DLG1: variants seen among roughly 807,000 people sequenced by gnomAD.
The protein encoded by DLG1 is discs large MAGUK scaffold protein 1, also known as disks large homolog 1.
Under a neutral mutation model 123.4 loss-of-function variants are expected in DLG1, and 42 were observed. The observed-to-expected ratio is 0.34, with a 90% CI of 0.27 to 0.44. The LOEUF (loss-of-function observed/expected upper bound fraction) is 0.44. Ranked by LOEUF, DLG1 falls within the 20% of genes least tolerant of loss-of-function variation. The pLI is 1.00. For missense variants in DLG1, 942 were observed against 1,082.6 expected, an observed-to-expected ratio of 0.87 and a Z score of 1.82; for synonymous variants, 317 against 356.2, an observed-to-expected ratio of 0.89 and a Z score of 1.24.
intron 5 of DLG1, among the ~76,000 whole-genome samples, chr3:197,164,182 G>GA: frequency 6.6e-6 from 1 of 151,674 alleles, no homozygotes; most frequent in South Asian, 2.1e-4. Context: ...GCGAGGTCAA[G>GA]AGTTCAAGAC....
intron 10 of DLG1, among the ~76,000 whole-genome samples, chr3:197,133,043 A>C (rs113613643): frequency 3.9e-5 from 6 of 152,176 alleles, no homozygotes; most frequent in African/African-American, 1.4e-4. Context: ...ATACATATTA[A>C]ATAGCTGTGG....
intron 10 of DLG1, among the ~76,000 whole-genome samples, chr3:197,135,118 TC>T (rs374613795): frequency 1.4e-3 from 212 of 152,342 alleles, no homozygotes; most frequent in African/African-American, 4.9e-3. Flanking sequence ...GCTTCACTCC[TC>T]ATTTTTACTC....
chr3:197,219,234 T>C (rs1398015164), intron 4 of DLG1, among the ~76,000 whole-genome samples: 1 of 152,224 alleles, frequency 6.6e-6, no homozygotes, highest in Non-Finnish European at 1.5e-5. Flanking sequence ...AAGATGTTTC[T>C]TCTTTGGTAG....
At chr3:197,266,388 A>G (rs1409180387) in intron 4 of DLG1, among the ~76,000 whole-genome samples, 1 of 152,074 alleles carries the variant, frequency 6.6e-6, no homozygotes. Context: ...TTAGACAAAA[A>G]TAAAAACGAA....
At chr3:197,108,794 A>G (rs1768106266) in intron 13 of DLG1, among the ~76,000 whole-genome samples, 1 of 151,894 alleles carries the variant, frequency 6.6e-6, no homozygotes, top group African/African-American at 2.4e-5. Context: ...GTGTAGTTGG[A>G]TTCTGTTTTC....
chr3:197,138,128 A>G (rs1786041388), intron 9 of DLG1, 94 bp downstream of exon 9: 1 of 671,480 alleles, frequency 1.5e-6, no homozygotes, highest in Non-Finnish European at 2.2e-6. Flanking sequence ...TATTACTAAT[A>G]CTGTACTTGG....
At chr3:197,184,220 C>T (rs1385573769) in intron 5 of DLG1, 18 of 638,280 alleles carry the variant, frequency 2.8e-5, no homozygotes, top group Non-Finnish European at 3.1e-5. Context: ...CCCTGTGGGG[C>T]TGCCTGATTT....
At chr3:197,283,998 C>T (rs573810081) in intron 3 of DLG1, among the ~76,000 whole-genome samples, 1 of 151,554 alleles carries the variant, frequency 6.6e-6, no homozygotes, top group Non-Finnish European at 1.5e-5. Context: ...GTAGCTGGGA[C>T]TTCAGGCACG....
At chr3:197,171,856 T>C (rs1246064064) in intron 5 of DLG1, among the ~76,000 whole-genome samples, 1 of 152,152 alleles carries the variant, frequency 6.6e-6, no homozygotes, top group Non-Finnish European at 1.5e-5. Flanking sequence ...TATCAGAATG[T>C]GGCTAGAGAA....
At chr3:197,250,571 A>C (rs1010985255) in intron 4 of DLG1, among the ~76,000 whole-genome samples, 2 of 151,414 alleles carry the variant, frequency 1.3e-5, no homozygotes, top group Admixed American at 1.3e-4. Flanking sequence ...TCCGTCTCAA[A>C]AAAAAAAAAA....
At chr3:197,065,683 A>T (rs201716356) in intron 21 of DLG1, 25 bp downstream of exon 21, 1 of 1,474,114 alleles carries the variant, frequency 6.8e-7, no homozygotes, top group African/African-American at 1.4e-5. Flanking sequence ...AGTAACAATT[A>T]AATGTTTTTG....
rs1721330233 is a variant in DLG1, at chr3:197,043,652, ATATATATATT to A, written c.*961_*970del. On this transcript the variant is annotated 3_prime_UTR_variant, in exon 25 of 25. Transcript: ENST00000667157. ...ATAGTTACAGTTTAAAGAAAGTTTT[ATATATATATT>A]TATATATATTTTATTATAACAAAAT... 6.6e-6 allele frequency: 1 copy of A among 150,710 alleles called. No individual in the cohort carries two copies. Among genetic ancestry groups the A allele is most frequent in the Non-Finnish European group, 1.5e-5 (1 of 67,678 alleles). The allele number at this position is 150,710 out of a possible 1,614,324, so 9.3% of individuals were successfully genotyped here.
chr3:197,051,413 T>C (rs1727619316), intron 24 of DLG1, among the ~76,000 whole-genome samples, 164 bp downstream of exon 24: 1 of 152,058 alleles, frequency 6.6e-6, no homozygotes, highest in South Asian at 2.1e-4. Flanking sequence ...AGAGCGAAAC[T>C]CCGTCTCAAA....
chr3:197,055,106 C>T (rs766662528), intron 23 of DLG1, among the ~76,000 whole-genome samples: 17 of 152,074 alleles, frequency 1.1e-4, no homozygotes, highest in South Asian at 2.1e-4. Flanking sequence ...TGAGCCACTG[C>T]GTCTGGCCAA....
At chr3:197,218,320 T>TA (rs1280932196) in intron 4 of DLG1, among the ~76,000 whole-genome samples, 3 of 152,110 alleles carry the variant, frequency 2.0e-5, no homozygotes, top group African/African-American at 7.2e-5. Flanking sequence ...TGAGGAAGCC[T>TA]AAAAAAAGGC....
intron 4 of DLG1, among the ~76,000 whole-genome samples, chr3:197,204,541 A>G (rs190234266): frequency 2.0e-5 from 3 of 152,356 alleles, no homozygotes; most frequent in Admixed American, 2.0e-4. Flanking sequence ...GATTTTAGGT[A>G]CAATTAAACT....
At chr3:197,098,720 CAG>C (rs886610654) in intron 14 of DLG1, among the ~76,000 whole-genome samples, 6 of 152,080 alleles carry the variant, frequency 3.9e-5, no homozygotes, top group South Asian at 2.1e-4. Context: ...TTAGTAGAGA[CAG>C]AGTTTCATCA....
At chr3:197,166,262 G>A (rs960773087) in intron 5 of DLG1, among the ~76,000 whole-genome samples, 1 of 152,120 alleles carries the variant, frequency 6.6e-6, no homozygotes, top group South Asian at 2.1e-4. Context: ...ATGATGACAG[G>A]AGATTGCTTA....
At chr3:197,136,454 C>T (rs1580079093) in intron 10 of DLG1, 88 bp downstream of exon 10, 1 of 1,100,950 alleles carries the variant, frequency 9.1e-7, no homozygotes, top group South Asian at 1.7e-5. Flanking sequence ...TCATTTAGAC[C>T]TTTTTGGTAT....
Sources: allele counts gnomAD v4.1 joint callset (sites outside exome capture counted in the v4.1 genomes callset), GRCh38; gene constraint gnomAD v4.1.1; transcripts MANE v1.5; gene names NCBI Gene and HGNC (gene_info 2026-07-23, HGNC 2026-07-21).